The following HPSE2 variants were observed in gnomAD, a reference collection of about 807,000 sequenced individuals.
The protein encoded by HPSE2 is heparanase 2 (inactive), also known as inactive heparanase-2.
A neutral mutation model predicts 60.5 loss-of-function variants in HPSE2; 38 were observed. The observed-to-expected ratio is 0.63, with a 90% CI of 0.48 to 0.82. The LOEUF (loss-of-function observed/expected upper bound fraction) is 0.82, where lower values mean the gene tolerates loss of function less well. HPSE2 is among the 40% of genes least tolerant of loss of function. HPSE2 has a pLI of 0.00. For missense variants in HPSE2, 713 were observed against 740.4 expected (o/e 0.96, Z 0.43); for synonymous variants, 295 against 293.2 (o/e 1.01, Z -0.06).
intron 7 of HPSE2, among the ~76,000 whole-genome samples, chr10:98,622,456 G>A (rs917157273): frequency 1.3e-5 from 2 of 152,142 alleles, no homozygotes; most frequent in Admixed American, 1.3e-4. Flanking sequence ...CTCTGCACCT[G>A]AGGGCCTTCA....
At chr10:98,643,673 A>G (rs767015569) in intron 6 of HPSE2, among the ~76,000 whole-genome samples, 1 of 152,182 alleles carries the variant, frequency 6.6e-6, no homozygotes, top group Non-Finnish European at 1.5e-5. Context: ...GATTTTTGGA[A>G]AAAGATCAGA....
At chr10:98,989,606 C>T (rs2135336156) in intron 3 of HPSE2, among the ~76,000 whole-genome samples, 1 of 151,542 alleles carries the variant, frequency 6.6e-6, no homozygotes, top group East Asian at 1.9e-4. Flanking sequence ...TGTAACAAAC[C>T]TGCACGGTGT....
At chr10:99,070,286 T>A (rs1045513818) in intron 3 of HPSE2, among the ~76,000 whole-genome samples, 6 of 152,144 alleles carry the variant, frequency 3.9e-5, no homozygotes, top group African/African-American at 1.4e-4. Context: ...AACAACCAAA[T>A]TTTTTAAATG....
rs192641248 is a variant in HPSE2, at chr10:98,640,732, C to A, written c.1098+1115G>T. On this transcript the variant is annotated intron_variant, in intron 7 of 11. Transcript: ENST00000370552. Reference sequence around the variant, plus strand: ...AGGGTCCCCATTCCCTGGAAAAGAACCTTAACTGGGCAACAAAAGATAATA... The same window carrying A: ...AGGGTCCCCATTCCCTGGAAAAGAAACTTAACTGGGCAACAAAAGATAATA... Among the ~76,000 whole-genome samples the A allele has an allele frequency of 1.3e-3, 193 of 152,144 alleles. 2 individuals carry two copies. The highest frequency in any genetic ancestry group is 4.4e-3 in the African/African-American group (182 of 41,466).
intron 9 of HPSE2, among the ~76,000 whole-genome samples, chr10:98,515,792 T>C (rs991902436): frequency 3.9e-5 from 6 of 152,240 alleles, no homozygotes; most frequent in African/African-American, 1.4e-4. Context: ...GAGATCTGAT[T>C]ATTTCTCAGC....
intron 9 of HPSE2, among the ~76,000 whole-genome samples, chr10:98,578,790 A>G (rs914342905): frequency 2.6e-5 from 4 of 151,896 alleles, no homozygotes; most frequent in Non-Finnish European, 4.4e-5. Flanking sequence ...CCCTCATCCT[A>G]TGCTCCTCCA....
At chr10:99,249,940 G>A in the HPSE2 span, among the ~76,000 whole-genome samples, 9 of 152,032 alleles carry the variant, frequency 5.9e-5, no homozygotes, top group African/African-American at 1.2e-4. Flanking sequence ...TCAGGAGTTC[G>A]AGACTAGCCT....
At chr10:98,661,665 A>G (rs978803651) in intron 6 of HPSE2, among the ~76,000 whole-genome samples, 4 of 152,138 alleles carry the variant, frequency 2.6e-5, no homozygotes, top group Non-Finnish European at 5.9e-5. Flanking sequence ...TTTTAATCTG[A>G]ATTAGTATTC....
chr10:98,625,215 C>T (rs1946175992), intron 7 of HPSE2, among the ~76,000 whole-genome samples: 1 of 152,166 alleles, frequency 6.6e-6, no homozygotes, highest in African/African-American at 2.4e-5. Context: ...AAAACCTGAT[C>T]AAAGAATTGG....
rs374562514 is a variant in HPSE2, at chr10:98,648,560, T to C, written c.1005-6620A>G. Among the ~76,000 whole-genome samples the C allele has an allele frequency of 6.6e-5, 10 of 152,008 alleles. No individual in the cohort carries two copies. The South Asian group carries it at 1.0e-3, about 16-fold the overall frequency. The stretch of plus-strand genomic sequence containing the variant: ...TTTGGGAGACCAAAGTGGAAGGATC[T>C]CCTGAGGCCAAGAGTTTGAGACCAG... On this transcript the variant is annotated intron_variant, in intron 6 of 11. Coordinates refer to ENST00000370552, the MANE Select transcript of HPSE2 (RefSeq NM_021828.5).
chr10:98,790,603 T>C lies in HPSE2; in HGVS notation c.611-46547A>G, dbSNP rs934920673. Among the ~76,000 whole-genome samples the C allele has an allele frequency of 2.6e-5, 4 of 152,146 alleles. No homozygotes were observed. In the South Asian group the frequency reaches 8.3e-4, roughly 32 times the overall value. ...ATGCTGACCACAATTGATAACAATG[T>C]GTATTTCAAAATCGCTAAAAGAATA... On this transcript the variant is annotated intron_variant, in intron 3 of 11. Transcript: ENST00000370552.
At chr10:98,464,405 G>C (rs904956940) in intron 11 of HPSE2, among the ~76,000 whole-genome samples, 4 of 152,218 alleles carry the variant, frequency 2.6e-5, no homozygotes, top group African/African-American at 4.8e-5. Context: ...TTGCTTCCGA[G>C]TCATATCATT....
chr10:98,772,969 A>T (rs1459507933), intron 3 of HPSE2, among the ~76,000 whole-genome samples: 2 of 152,196 alleles, frequency 1.3e-5, no homozygotes, highest in Non-Finnish European at 2.9e-5. Context: ...CGAGGTCAAC[A>T]AAGAATTATG....
rs769470663 is a variant in HPSE2, at chr10:99,212,980, AG to A, written c.448+19367del. Among the ~76,000 whole-genome samples, 63 of 152,294 alleles carry A rather than the reference AG, an allele frequency of 4.1e-4. 1 individual carries two copies. The East Asian group carries it at 0.012, about 29-fold the overall frequency. ...TTATTCCCTTCCTTTCAAAGAAATT[AG>A]GGCCATTGACTTCAATAAGGAGGTT... On this transcript the variant is annotated intron_variant, in intron 2 of 11. Transcript: ENST00000370552.
intron 6 of HPSE2, among the ~76,000 whole-genome samples, chr10:98,675,784 T>C (rs1947625804): frequency 6.6e-6 from 1 of 152,092 alleles, no homozygotes; most frequent in Non-Finnish European, 1.5e-5. Flanking sequence ...CCTGTAATTC[T>C]AGAACTTTGC....
At chr10:98,730,011 A>G (rs1404618696) in intron 4 of HPSE2, among the ~76,000 whole-genome samples, 1 of 152,202 alleles carries the variant, frequency 6.6e-6, no homozygotes, top group East Asian at 1.9e-4. Context: ...ATTGCCATCT[A>G]CAGAATATTC....
chr10:98,866,396 A>G (rs1952588678), intron 3 of HPSE2, among the ~76,000 whole-genome samples: 4 of 152,114 alleles, frequency 2.6e-5, no homozygotes, highest in Admixed American at 2.6e-4. Context: ...GTGGCCTAAC[A>G]TAGAGATAAT....
Position 98,693,917 on chromosome 10 carries a change from A to G in HPSE2, c.987T>C (p.Asp329=), listed in dbSNP as rs777006523. The G allele has an allele frequency of 1.2e-6, 2 of 1,613,304 alleles. No individual in the cohort carries two copies. The highest frequency in any genetic ancestry group is 1.7e-6 in the Non-Finnish European group (2 of 1,179,236). Reference sequence around the variant, plus strand: ...ATACCTACTGTTGCCAGGTAACTGCATCTACTGTACTTCCTGCCACCTTCA... The same window carrying G: ...ATACCTACTGTTGCCAGGTAACTGCGTCTACTGTACTTCCTGCCACCTTCA... ...GFMKVAGSTV[D]AVTWQHCYID... The change falls in exon 6 of 12, where the codon GAT becomes GAC. Residue 329 remains aspartate (D), a synonymous_variant. Coordinates refer to ENST00000370552, the MANE Select transcript of HPSE2 (RefSeq NM_021828.5).
At chr10:98,779,670 A>T (rs956819431) in intron 3 of HPSE2, among the ~76,000 whole-genome samples, 2 of 152,172 alleles carry the variant, frequency 1.3e-5, no homozygotes, top group Non-Finnish European at 2.9e-5. Context: ...ACTAATAAGG[A>T]TATTTTAAGA....
Sources: gnomAD v4.1 joint callset for allele counts (sites outside exome capture counted in the v4.1 genomes callset) on GRCh38, gnomAD v4.1.1 for gene constraint, MANE v1.5 for transcripts, NCBI Gene and HGNC (gene_info 2026-07-23, HGNC 2026-07-21) for gene names.